PPFIBP2: variants seen among roughly 807,000 people sequenced by gnomAD.
The protein encoded by PPFIBP2 is PPFIB scaffold protein 2.
A neutral mutation model predicts 118.3 loss-of-function variants in PPFIBP2; 118 were observed. The ratio of observed to expected loss-of-function variants is 1.00; its 90% CI spans 0.86 to 1.16. The LOEUF (loss-of-function observed/expected upper bound fraction) is 1.16, where lower values mean the gene tolerates loss of function less well. PPFIBP2 is among the 50% of genes most tolerant of loss of function. The pLI, the probability that PPFIBP2 is intolerant of heterozygous loss-of-function variation, is 0.00. For synonymous variants in PPFIBP2, 414 were observed against 397.4 expected, an observed-to-expected ratio of 1.04 and a Z score of -0.50; for missense variants, 1,195 against 1,073.1, an observed-to-expected ratio of 1.11 and a Z score of -1.59.
chr11:7,637,703 C>G (rs1305317781), intron 14 of PPFIBP2, among the ~76,000 whole-genome samples: 1 of 152,230 alleles, frequency 6.6e-6, no homozygotes, highest in Non-Finnish European at 1.5e-5. Context: ...GTTTCCTCTG[C>G]GTCACGTCTT....
intron 3 of PPFIBP2, among the ~76,000 whole-genome samples, chr11:7,573,704 C>T (rs755948556): frequency 1.3e-5 from 2 of 152,180 alleles, no homozygotes; most frequent in Non-Finnish European, 2.9e-5. Flanking sequence ...TCCCTTCCCC[C>T]GCCTCCCCTT....
intron 14 of PPFIBP2, 42 bp from the exon 15 acceptor site, chr11:7,639,690 C>CA: frequency 6.2e-7 from 1 of 1,612,268 alleles, no homozygotes; most frequent in Non-Finnish European, 8.5e-7. Context: ...CTGAGGCTGA[C>CA]AGTTAAGTCG....
In PPFIBP2 at chr11:7,641,479, G is replaced by A. The variant is rs1406539098; in HGVS notation, c.1376G>A (p.Arg459Lys). ...DATGSSLLRL[R>K]DTESGWDDTA... Reference sequence around the variant, plus strand: ...ATTCATTGCCTTCTTCCAATCTCAGGAGACACAGAAAGTGGCTGGGACGAC... The same window carrying A: ...ATTCATTGCCTTCTTCCAATCTCAGAAGACACAGAAAGTGGCTGGGACGAC... The change falls in exon 16 of 24, where the codon AGA becomes AAA. Residue 459 changes from arginine (R) to lysine (K), a missense_variant and splice_region_variant. Coordinates refer to ENST00000299492, the MANE Select transcript of PPFIBP2 (RefSeq NM_003621.5). 1.2e-6 allele frequency: 2 copies of A among 1,613,920 alleles called. No homozygotes were observed. The highest frequency in any genetic ancestry group is 1.7e-6 in the Non-Finnish European group (2 of 1,179,888).
At chr11:7,574,970 C>T (rs1856104866) in intron 3 of PPFIBP2, among the ~76,000 whole-genome samples, 3 of 152,160 alleles carry the variant, frequency 2.0e-5, no homozygotes, top group South Asian at 4.1e-4. Context: ...ATTCTTCCCT[C>T]CCTTCCTCCC....
At chr11:7,665,643 G>A in the PPFIBP2 span, 3 of 1,332,814 alleles carry the variant, frequency 2.3e-6, no homozygotes, top group Non-Finnish European at 3.0e-6. Flanking sequence ...GGGAGGAGGT[G>A]ACAAGCTGCT....
intron 5 of PPFIBP2, 185 bp downstream of exon 5, chr11:7,597,858 G>C: frequency 3.5e-6 from 2 of 574,806 alleles, no homozygotes; most frequent in Non-Finnish European, 6.2e-6. Flanking sequence ...GAGTGGCAGA[G>C]GGGGTAGGGA....
intron 6 of PPFIBP2, among the ~76,000 whole-genome samples, chr11:7,611,169 C>G (rs1199870139): frequency 6.6e-6 from 1 of 152,166 alleles, no homozygotes; most frequent in East Asian, 1.9e-4. Flanking sequence ...ATTTACTGAC[C>G]TAACTGCTTA....
At chr11:7,659,478 G>T (rs2136089642), downstream of PPFIBP2, among the ~76,000 whole-genome samples, 1 of 150,008 alleles carries the variant, frequency 6.7e-6, no homozygotes, top group South Asian at 2.1e-4. Context: ...TATTTCTGAG[G>T]GCTCTGTTGT....
chr11:7,537,476 G>A (rs896151821), intron 1 of PPFIBP2, among the ~76,000 whole-genome samples: 47 of 152,242 alleles, frequency 3.1e-4, no homozygotes, highest in Non-Finnish European at 6.3e-4. Flanking sequence ...GTGAATGGCT[G>A]TGTGGCCAGG....
intron 2 of PPFIBP2, 43 bp downstream of exon 2, chr11:7,549,582 A>G: frequency 6.9e-7 from 1 of 1,457,714 alleles, no homozygotes; most frequent in Non-Finnish European, 9.1e-7. Flanking sequence ...CATCCTCCAC[A>G]TTCCAGGAAC....
intron 4 of PPFIBP2, 58 bp downstream of exon 4, chr11:7,593,282 C>T: frequency 6.3e-7 from 1 of 1,580,628 alleles, no homozygotes; most frequent in Non-Finnish European, 8.6e-7. Context: ...TGTAGCTTCC[C>T]CTAAGTGGAA....
intron 6 of PPFIBP2, among the ~76,000 whole-genome samples, chr11:7,619,459 T>C (rs564481445): frequency 6.6e-6 from 1 of 152,236 alleles, no homozygotes; most frequent in African/African-American, 2.4e-5. Context: ...AGCTGTCAGG[T>C]CACGGGTTGA....
At chr11:7,634,445 A>C in intron 12 of PPFIBP2, 50 bp from the exon 13 acceptor site, 36 of 1,369,658 alleles carry the variant, frequency 2.6e-5, no homozygotes, top group Non-Finnish European at 3.4e-5. Context: ...CATGAGTGAT[A>C]ACATGTACCT....
At chr11:7,541,329 G>A (rs1024481830) in intron 1 of PPFIBP2, among the ~76,000 whole-genome samples, 1 of 152,162 alleles carries the variant, frequency 6.6e-6, no homozygotes, top group East Asian at 1.9e-4. Flanking sequence ...GAGGGTAACC[G>A]GTTAGGAGGC....
intron 8 of PPFIBP2, among the ~76,000 whole-genome samples, chr11:7,627,374 AG>A (rs1315649884): frequency 6.6e-6 from 1 of 152,226 alleles, no homozygotes; most frequent in Non-Finnish European, 1.5e-5. Flanking sequence ...CAAAGTCCAT[AG>A]ATCTACTGTT....
intron 3 of PPFIBP2, among the ~76,000 whole-genome samples, chr11:7,571,388 C>A (rs1855632822): frequency 6.6e-6 from 1 of 151,094 alleles, no homozygotes; most frequent in African/African-American, 2.5e-5. Flanking sequence ...AGAAGCAAAT[C>A]TGTTTACCAT....
At chr11:7,626,033 G>C in intron 8 of PPFIBP2, 142 bp downstream of exon 8, 2 of 689,760 alleles carry the variant, frequency 2.9e-6, no homozygotes, top group Admixed American at 5.2e-5. Flanking sequence ...ATGTGTGCAA[G>C]CGTGGCCAAG....
At chr11:7,537,908 G>C (rs1390052943) in intron 1 of PPFIBP2, among the ~76,000 whole-genome samples, 1 of 140,264 alleles carries the variant, frequency 7.1e-6, no homozygotes, top group Non-Finnish European at 1.5e-5. Context: ...TGACAGACCT[G>C]GCATTAAGGC....
At chr11:7,553,043 C>T (rs1424249287) in intron 2 of PPFIBP2, among the ~76,000 whole-genome samples, 1 of 151,976 alleles carries the variant, frequency 6.6e-6, no homozygotes, top group Non-Finnish European at 1.5e-5. Flanking sequence ...AGTTAATAAG[C>T]ATTTAATACA....
Sources: gnomAD v4.1 joint callset for allele counts (sites outside exome capture counted in the v4.1 genomes callset) on GRCh38, gnomAD v4.1.1 for gene constraint, MANE v1.5 for transcripts, NCBI Gene and HGNC (gene_info 2026-07-23, HGNC 2026-07-21) for gene names.